The following PPM1L variants were observed in gnomAD, a reference collection of about 807,000 sequenced individuals.
The protein encoded by PPM1L is protein phosphatase, Mg2+/Mn2+ dependent 1L, also known as protein phosphatase 1L.
PPM1L carries 13 observed loss-of-function variants against 31.4 expected under a neutral mutation model. The ratio of observed to expected loss-of-function variants is 0.41; its 90% confidence interval spans 0.27 to 0.66. PPM1L has a LOEUF of 0.66. PPM1L is among the 30% of genes least tolerant of loss of function. The pLI is 0.29. For missense variants in PPM1L, 326 were observed against 453.7 expected, an observed-to-expected ratio of 0.72 and a Z score of 2.56; for synonymous variants, 184 against 175.4, an observed-to-expected ratio of 1.05 and a Z score of -0.39.
intron 1 of PPM1L, among the ~76,000 whole-genome samples, chr3:160,759,126 A>G (rs549033820): frequency 6.6e-6 from 1 of 152,322 alleles, no homozygotes; most frequent in South Asian, 2.1e-4. Flanking sequence ...CTCCTTTAAC[A>G]TTCACCAGAG....
intron 2 of PPM1L, among the ~76,000 whole-genome samples, chr3:161,013,417 A>T (rs562652185): frequency 8.5e-5 from 13 of 152,268 alleles, no homozygotes; most frequent in African/African-American, 3.1e-4. Context: ...GTTCTTTTAC[A>T]TTTGCTGAGG....
At position 160,784,794 on chromosome 3, in the gene PPM1L, G is replaced by C. The variant is rs73877949; in HGVS notation, c.399+28087G>C. ...TGAATTTTGTATCAATCAGTGGTCA[G>C]TTGGTTAGTTGAAAGGAAAGTACTT... On this transcript the variant is annotated intron_variant, in intron 1 of 3. Transcript: ENST00000498165. Among the ~76,000 whole-genome samples, 1,514 of 152,286 alleles carry C rather than the reference G, an allele frequency of 9.9e-3. 23 individuals carry two copies. Among genetic ancestry groups the C allele is most frequent in the African/African-American group, 0.031 (1,300 of 41,540 alleles).
chr3:161,043,613 G>A (rs1347750722), intron 2 of PPM1L, among the ~76,000 whole-genome samples: 1 of 152,188 alleles, frequency 6.6e-6, no homozygotes, highest in Non-Finnish European at 1.5e-5. Context: ...TGGTTTTATT[G>A]CAAATCAGCC....
chr3:160,762,947 T>A (rs555701792), intron 1 of PPM1L, among the ~76,000 whole-genome samples: 1 of 152,302 alleles, frequency 6.6e-6, no homozygotes, highest in South Asian at 2.1e-4. Context: ...ATGTTAAGTA[T>A]ATTTATTTGA....
chr3:160,993,747 T>C (rs1291953725), intron 2 of PPM1L, among the ~76,000 whole-genome samples: 1 of 152,108 alleles, frequency 6.6e-6, no homozygotes, highest in Non-Finnish European at 1.5e-5. Context: ...AAAACAGTTG[T>C]CATAGTAAGA....
At chr3:161,034,279 T>C (rs1370955454) in intron 2 of PPM1L, among the ~76,000 whole-genome samples, 2 of 152,176 alleles carry the variant, frequency 1.3e-5, no homozygotes, top group Admixed American at 6.5e-5. Context: ...TGGAAGACAG[T>C]GTGGCGATTC....
At chr3:160,820,959 C>A (rs1713182174) in intron 1 of PPM1L, among the ~76,000 whole-genome samples, 1 of 152,018 alleles carries the variant, frequency 6.6e-6, no homozygotes, top group East Asian at 1.9e-4. Context: ...ACCTTACTAG[C>A]TATTACTAAA....
At chr3:160,904,612 C>T (rs1235223577) in intron 1 of PPM1L, among the ~76,000 whole-genome samples, 1 of 151,984 alleles carries the variant, frequency 6.6e-6, no homozygotes, top group Non-Finnish European at 1.5e-5. Flanking sequence ...ATTGACCTTG[C>T]CTTGTTAAGG....
At chr3:160,928,788 T>C (rs1442263515) in intron 1 of PPM1L, among the ~76,000 whole-genome samples, 1 of 152,146 alleles carries the variant, frequency 6.6e-6, no homozygotes, top group East Asian at 1.9e-4. Flanking sequence ...GATGGTGCCA[T>C]CTATGAGAAC....
intron 1 of PPM1L, among the ~76,000 whole-genome samples, chr3:160,954,949 TTCC>T (rs1199524688): frequency 0.12 from 6,876 of 57,322 alleles, 192 homozygotes; most frequent in East Asian, 0.29. Flanking sequence ...CCTTCCTTCC[TTCC>T]TTCCTTCCTT....
intron 1 of PPM1L, among the ~76,000 whole-genome samples, chr3:160,823,217 A>G (rs1713255584): frequency 6.6e-6 from 1 of 152,018 alleles, no homozygotes; most frequent in African/African-American, 2.4e-5. Flanking sequence ...GTTGTTTCCT[A>G]TTCTTTATTT....
intron 2 of PPM1L, among the ~76,000 whole-genome samples, chr3:160,970,815 G>A (rs1315210979): frequency 2.1e-5 from 1 of 47,346 alleles, no homozygotes; most frequent in Non-Finnish European, 5.9e-5. Context: ...TTTTTGAGAC[G>A]GAGTCTCGCT....
chr3:160,775,202 G>A (rs919865044), intron 1 of PPM1L, among the ~76,000 whole-genome samples: 7 of 152,164 alleles, frequency 4.6e-5, no homozygotes, highest in African/African-American at 1.4e-4. Flanking sequence ...CGGCTAAATG[G>A]AAGAGCTGAG....
At chr3:160,907,719 G>A (rs1056917848) in intron 1 of PPM1L, among the ~76,000 whole-genome samples, 1 of 152,190 alleles carries the variant, frequency 6.6e-6, no homozygotes. Context: ...GCAACAGTGG[G>A]AAACTATCAC....
chr3:160,924,151 C>T (rs932582360), intron 1 of PPM1L, among the ~76,000 whole-genome samples: 1 of 152,014 alleles, frequency 6.6e-6, no homozygotes, highest in Admixed American at 6.6e-5. Context: ...TTGGTGTTGC[C>T]ATTGAGCCAC....
chr3:160,823,105 T>C (rs1353549337), intron 1 of PPM1L, among the ~76,000 whole-genome samples: 1 of 152,034 alleles, frequency 6.6e-6, no homozygotes, highest in Admixed American at 6.6e-5. Flanking sequence ...CATAAATTAT[T>C]ATGCATAATT....
chr3:160,980,856 A>G (rs1182134841), intron 2 of PPM1L, among the ~76,000 whole-genome samples: 2 of 152,152 alleles, frequency 1.3e-5, no homozygotes, highest in African/African-American at 4.8e-5. Context: ...GTGGAAAATG[A>G]TGGACATGCA....
intron 1 of PPM1L, among the ~76,000 whole-genome samples, chr3:160,873,641 G>A (rs1296670897): frequency 5.3e-5 from 8 of 151,924 alleles, no homozygotes; most frequent in African/African-American, 7.3e-5. Context: ...TCTGTCCCCC[G>A]GGTTCAAGCA....
At chr3:160,941,910 C>T (rs1715174787) in intron 1 of PPM1L, among the ~76,000 whole-genome samples, 1 of 152,166 alleles carries the variant, frequency 6.6e-6, no homozygotes, top group South Asian at 2.1e-4. Context: ...AGAATGAATA[C>T]TTGAATGAAT....
Sources: allele counts gnomAD v4.1 joint callset (sites outside exome capture counted in the v4.1 genomes callset), GRCh38; gene constraint gnomAD v4.1.1; transcripts MANE v1.5; gene names NCBI Gene and HGNC (gene_info 2026-07-23, HGNC 2026-07-21).